FREM1: variants seen among roughly 807,000 people sequenced by gnomAD.
FREM1 encodes FRAS1-related extracellular matrix protein 1.
Under a neutral mutation model 210.1 loss-of-function variants are expected in FREM1, and 220 were observed. The observed-to-expected ratio is 1.05, with a 90% CI of 0.94 to 1.17. The LOEUF is 1.17. Among genes scored for constraint, FREM1 ranks in the 50% most tolerant of loss-of-function variants. The pLI, the probability that FREM1 is intolerant of heterozygous loss-of-function variation, is 0.00. For missense variants in FREM1, 3,454 were observed against 2,675.5 expected, an observed-to-expected ratio of 1.29 and a Z score of -6.42; for synonymous variants, 1,189 against 980.2, an observed-to-expected ratio of 1.21 and a Z score of -3.98.
chr9:14,824,017 C>T lies in FREM1; in HGVS notation c.2169+8G>A, dbSNP rs1027912815. 5 of 1,559,466 alleles carry T rather than the reference C, an allele frequency of 3.2e-6. No individual in the cohort carries two copies. The African/African-American group carries it at 6.8e-5, about 21-fold the overall frequency. The stretch of plus-strand genomic sequence containing the variant: ...CATGTTTGTCAGCATTTTAGCATAT[C>T]CTCATACCTGAGTGAATGACCTCAG... On this transcript the variant is annotated splice_region_variant and intron_variant, in intron 12 of 36. Transcript: ENST00000380880.
intron 1 of FREM1, among the ~76,000 whole-genome samples, chr9:14,888,788 T>C (rs893695601): frequency 6.6e-6 from 1 of 152,230 alleles, no homozygotes; most frequent in Non-Finnish European, 1.5e-5. Flanking sequence ...GGAGAAACTT[T>C]AGAAATCATC....
At chr9:14,879,157 C>CAAAAAA (rs78563904) in intron 1 of FREM1, among the ~76,000 whole-genome samples, 6 of 104,438 alleles carry the variant, frequency 5.7e-5, no homozygotes, top group African/African-American at 1.5e-4. Flanking sequence ...GATTCCGTCT[C>CAAAAAA]AAAAAAAAAA....
chr9:14,764,893 A>C (rs1280966451), intron 27 of FREM1, among the ~76,000 whole-genome samples: 1 of 152,228 alleles, frequency 6.6e-6, no homozygotes, highest in Non-Finnish European at 1.5e-5. Context: ...CAGGTTAACA[A>C]GAGTCTGTGA....
At chr9:14,863,558 A>C (rs761706040) in intron 3 of FREM1, among the ~76,000 whole-genome samples, 1 of 152,144 alleles carries the variant, frequency 6.6e-6, no homozygotes, top group Non-Finnish European at 1.5e-5. Context: ...ATATAAGGAC[A>C]CTAGAGGGAA....
At chr9:14,844,099 T>C (rs1405045989) in intron 8 of FREM1, among the ~76,000 whole-genome samples, 1 of 152,232 alleles carries the variant, frequency 6.6e-6, no homozygotes, top group Non-Finnish European at 1.5e-5. Context: ...GCTTAATAAA[T>C]GATCACACTA....
intron 1 of FREM1, among the ~76,000 whole-genome samples, chr9:14,893,108 G>C (rs1837144108): frequency 6.6e-6 from 1 of 152,168 alleles, no homozygotes; most frequent in African/African-American, 2.4e-5. Context: ...GGGCCACTCA[G>C]AGAAAGGAAA....
intron 20 of FREM1, among the ~76,000 whole-genome samples, chr9:14,801,299 C>T (rs1817241818): frequency 2.0e-5 from 3 of 152,108 alleles, no homozygotes; most frequent in Admixed American, 6.6e-5. Flanking sequence ...GGCCCGGCCA[C>T]GCTGTGGAAT....
In FREM1 at chr9:14,770,764, G is replaced by A; in HGVS notation, c.4900C>T (p.His1634Tyr). The A allele has an allele frequency of 6.2e-7, 1 of 1,613,400 alleles. No individual in the cohort carries two copies. The highest frequency in any genetic ancestry group is 8.5e-7 in the Non-Finnish European group (1 of 1,179,620). ...AGGAGCCCCACTTGAGAAGGGGAAT[G>A]CAAGAGTGTGATACGAGGAGCTGTT... ...DKTAPRITLLHSPSQVGLLKN... is the reference protein window; with the variant it reads ...DKTAPRITLLYSPSQVGLLKN... The change falls in exon 26 of 37, where the codon CAT becomes TAT. Residue 1634 changes from histidine (H) to tyrosine (Y), a missense_variant. Coordinates refer to ENST00000380880, the MANE Select transcript of FREM1 (RefSeq NM_001379081.2).
At chr9:14,822,654 G>C (rs1469377957) in intron 13 of FREM1, among the ~76,000 whole-genome samples, 3 of 152,198 alleles carry the variant, frequency 2.0e-5, no homozygotes, top group Non-Finnish European at 4.4e-5. Context: ...CAATGCCTTT[G>C]TAGTTCGGTT....
chr9:14,810,131 A>T (rs1240313100), intron 16 of FREM1, among the ~76,000 whole-genome samples: 3 of 152,028 alleles, frequency 2.0e-5, no homozygotes, highest in African/African-American at 7.3e-5. Context: ...AGGATGAGTA[A>T]GAGTTTGCCA....
chr9:14,903,278 G>A (rs983742039), intron 1 of FREM1, among the ~76,000 whole-genome samples: 4 of 152,180 alleles, frequency 2.6e-5, no homozygotes, highest in Non-Finnish European at 5.9e-5. Flanking sequence ...GCAGGAACCT[G>A]ATATTCTTAA....
At chr9:14,831,918 C>G (rs565582300) in intron 10 of FREM1, among the ~76,000 whole-genome samples, 1 of 152,160 alleles carries the variant, frequency 6.6e-6, no homozygotes, top group African/African-American at 2.4e-5. Context: ...CCAAGAGCGA[C>G]GGACAGAGAA....
chr9:14,807,902 TC>T (rs1818679570), intron 17 of FREM1, 37 bp downstream of exon 17: 1 of 1,456,866 alleles, frequency 6.9e-7, no homozygotes, highest in Non-Finnish European at 9.6e-7. Flanking sequence ...TGACACTAGG[TC>T]AGACAATAGT....
chr9:14,782,843 A>G (rs995016979), intron 24 of FREM1, among the ~76,000 whole-genome samples: 5 of 152,234 alleles, frequency 3.3e-5, no homozygotes, highest in African/African-American at 1.2e-4. Flanking sequence ...TGCTACGAGC[A>G]TCATTCCATT....
intron 14 of FREM1, among the ~76,000 whole-genome samples, chr9:14,818,200 T>C (rs907843706): frequency 2.0e-5 from 3 of 152,236 alleles, no homozygotes; most frequent in Non-Finnish European, 4.4e-5. Context: ...CTAGCAAATA[T>C]TGGTACTGTT....
At chr9:14,844,122 T>C (rs926411824) in intron 8 of FREM1, among the ~76,000 whole-genome samples, 1 of 152,206 alleles carries the variant, frequency 6.6e-6, no homozygotes, top group African/African-American at 2.4e-5. Flanking sequence ...TTGTGTCTCC[T>C]CTGAACCCAG....
At chr9:14,819,159 C>T (rs1807327773) in intron 14 of FREM1, 75 bp downstream of exon 14, 1 of 1,059,560 alleles carries the variant, frequency 9.4e-7, no homozygotes, top group South Asian at 1.8e-5. Context: ...AAACTTCTTT[C>T]TCTTACTCTG....
At chr9:14,844,099 T>A (rs1405045989) in intron 8 of FREM1, among the ~76,000 whole-genome samples, 1 of 152,232 alleles carries the variant, frequency 6.6e-6, no homozygotes, top group Non-Finnish European at 1.5e-5. Context: ...GCTTAATAAA[T>A]GATCACACTA....
intron 20 of FREM1, among the ~76,000 whole-genome samples, chr9:14,800,422 A>G (rs2133263797): frequency 6.6e-6 from 1 of 152,352 alleles, no homozygotes; most frequent in East Asian, 1.9e-4. Context: ...ATATGTGAAA[A>G]GTGGGATAAG....
Sources: gnomAD v4.1 joint callset for allele counts (sites outside exome capture counted in the v4.1 genomes callset) on GRCh38, gnomAD v4.1.1 for gene constraint, MANE v1.5 for transcripts, NCBI Gene and HGNC (gene_info 2026-07-23, HGNC 2026-07-21) for gene names.